The following SLC23A2 variants were observed in gnomAD, a reference collection of about 807,000 sequenced individuals.
The protein encoded by SLC23A2 is Na(+)/L-ascorbic acid transporter 2.
In SLC23A2, 36 loss-of-function variants were observed where a neutral mutation model predicts 73.3. That is an observed-to-expected ratio of 0.49 (90% CI 0.38 to 0.65). The LOEUF (loss-of-function observed/expected upper bound fraction) is 0.65, where lower values mean the gene tolerates loss of function less well. Among genes scored for constraint, SLC23A2 ranks in the 30% least tolerant of loss-of-function variants. SLC23A2 has a pLI of 0.00. For missense variants in SLC23A2, 507 were observed against 841.6 expected (o/e 0.60, Z 4.92); for synonymous variants, 343 against 327.3 (o/e 1.05, Z -0.52).
intron 2 of SLC23A2, among the ~76,000 whole-genome samples, chr20:4,963,643 T>G (rs2087427888): frequency 6.6e-6 from 1 of 151,372 alleles, no homozygotes; most frequent in African/African-American, 2.4e-5. Context: ...AGGCCAGGAG[T>G]TCAAGACCAG....
intron 3 of SLC23A2, among the ~76,000 whole-genome samples, chr20:4,921,762 T>C (rs145667931): frequency 6.6e-6 from 1 of 152,300 alleles, no homozygotes; most frequent in East Asian, 1.9e-4. Context: ...TTATTTCTCT[T>C]GTAAATGAAG....
intron 15 of SLC23A2, 98 bp downstream of exon 15, chr20:4,861,850 T>A: frequency 7.9e-7 from 1 of 1,260,570 alleles, no homozygotes; most frequent in Non-Finnish European, 1.1e-6. Context: ...CCACAGCTCC[T>A]GGAGGCCCAA....
In SLC23A2 at chr20:4,883,404, A is replaced by G. The variant is rs1358317453; in HGVS notation, c.824+238T>C. 6.6e-6 allele frequency among the ~76,000 whole-genome samples: 1 copy of G among 152,148 alleles called. No individual in the cohort carries two copies. Among genetic ancestry groups the G allele is most frequent in the African/African-American group, 2.4e-5 (1 of 41,414 alleles). On this transcript the variant is annotated intron_variant, in intron 9 of 16. Transcript: ENST00000338244. This position sits in a 1 kb window ranked among gnomAD's most constrained non-coding sequence, Gnocchi z 4.5. ...ACCTTACCCCACTACCAAAGCTTAA[A>G]AACTTACAATCCACCCTCTTCATAT...
chr20:4,875,531 G>A (rs1197430603), intron 9 of SLC23A2, among the ~76,000 whole-genome samples: 1 of 152,182 alleles, frequency 6.6e-6, no homozygotes, highest in Non-Finnish European at 1.5e-5. Flanking sequence ...CACAGGGCAA[G>A]GAGGCTGGGC....
chr20:4,885,540 A>G (rs1931063845), intron 7 of SLC23A2, among the ~76,000 whole-genome samples: 1 of 152,202 alleles, frequency 6.6e-6, no homozygotes, highest in Non-Finnish European at 1.5e-5. Flanking sequence ...AATAGCACAA[A>G]TATTTTTCTA....
At chr20:4,904,019 G>C (rs959419510) in intron 4 of SLC23A2, among the ~76,000 whole-genome samples, 2 of 152,274 alleles carry the variant, frequency 1.3e-5, no homozygotes, top group Admixed American at 1.3e-4. Flanking sequence ...TTTAGGCCCA[G>C]TGCAGTGGCT....
At chr20:4,978,044 A>G (rs1276394436) in intron 1 of SLC23A2, among the ~76,000 whole-genome samples, 2 of 152,076 alleles carry the variant, frequency 1.3e-5, no homozygotes, top group African/African-American at 4.8e-5. Flanking sequence ...AAACAAACAA[A>G]AAAATTAAAG....
chr20:4,964,984 T>C (rs1568645860), intron 2 of SLC23A2, among the ~76,000 whole-genome samples: 1 of 152,144 alleles, frequency 6.6e-6, no homozygotes, highest in Non-Finnish European at 1.5e-5. Context: ...GTGGTTTTTT[T>C]TCCCCTTATT....
At chr20:4,913,566 A>G (rs1170340676) in intron 3 of SLC23A2, among the ~76,000 whole-genome samples, 1 of 152,182 alleles carries the variant, frequency 6.6e-6, no homozygotes, top group Non-Finnish European at 1.5e-5. Flanking sequence ...GAAAGTAATC[A>G]CTGTTTATAA....
At position 4,872,836 on chromosome 20, in the gene SLC23A2, C is replaced by A. The variant is rs1047266705; in HGVS notation, c.1102+1100G>T. On this transcript the variant is annotated intron_variant, in intron 11 of 16. Transcript: ENST00000338244. This position sits in a 1 kb window ranked among gnomAD's most constrained non-coding sequence, Gnocchi z 4.4. ...GTGGCGCAATCTCGACTCACTGCAA[C>A]CTCCGCCTCCCAGATCCAAGCGATT... 6.6e-6 allele frequency among the ~76,000 whole-genome samples: 1 copy of A among 152,062 alleles called. No individual in the cohort carries two copies. Among genetic ancestry groups the A allele is most frequent in the Non-Finnish European group, 1.5e-5 (1 of 68,014 alleles).
At chr20:4,985,474 G>T (rs538776278) in intron 1 of SLC23A2, among the ~76,000 whole-genome samples, 3 of 150,924 alleles carry the variant, frequency 2.0e-5, no homozygotes, top group African/African-American at 7.3e-5. Context: ...TTGAGACAGG[G>T]TCTCGCTCTA....
chr20:4,898,682 T>A (rs1351210275), intron 6 of SLC23A2, among the ~76,000 whole-genome samples: 1 of 152,080 alleles, frequency 6.6e-6, no homozygotes, highest in African/African-American at 2.4e-5. Context: ...GGAAGGTAGA[T>A]AAGGATGTTT....
At position 4,965,689 on chromosome 20, in the gene SLC23A2, G is replaced by A. The variant is rs538300640; in HGVS notation, c.-155+5104C>T. Among the ~76,000 whole-genome samples the A allele has an allele frequency of 8.5e-5, 13 of 152,178 alleles. No homozygotes were observed. The South Asian group carries it at 2.3e-3, about 27-fold the overall frequency. ...TGAAGAGGAAGCATCACCCTCAGCC[G>A]GGCGCGGTGGCTCAAGCCTGTAATC... On this transcript the variant is annotated intron_variant, in intron 2 of 16. Coordinates refer to ENST00000338244, the MANE Select transcript of SLC23A2 (RefSeq NM_005116.6).
chr20:4,997,012 T>G (rs1401901827), intron 1 of SLC23A2, among the ~76,000 whole-genome samples: 3 of 152,276 alleles, frequency 2.0e-5, no homozygotes, highest in Non-Finnish European at 4.4e-5. Context: ...AGCATCTCAG[T>G]TAATGGCCTC....
intron 2 of SLC23A2, among the ~76,000 whole-genome samples, chr20:4,945,042 C>A (rs989134369): frequency 1.3e-5 from 2 of 151,354 alleles, no homozygotes; most frequent in Admixed American, 6.6e-5. Flanking sequence ...ATATGATCAA[C>A]TTCCTTTGAA....
chr20:5,001,968 C>G (rs1600222917), upstream of SLC23A2, among the ~76,000 whole-genome samples: 1 of 152,024 alleles, frequency 6.6e-6, no homozygotes, highest in Admixed American at 6.6e-5. Flanking sequence ...GTTTTTTTAA[C>G]CTAACTGGAG....
chr20:4,902,293 T>C lies in SLC23A2; in HGVS notation c.324+149A>G, dbSNP rs558517042. On this transcript the variant is annotated intron_variant, in intron 5 of 16. Transcript: ENST00000338244. This position sits in a 1 kb window ranked among gnomAD's most constrained non-coding sequence, Gnocchi z 4.0. ...TGCTAGGATTACAGGCATCAGCCAC[T>C]GTGCTCAGCCCCTACTCATCACTCT... The C allele has an allele frequency of 1.2e-5, 6 of 514,146 alleles. No homozygotes were observed. The highest frequency in any genetic ancestry group is 7.9e-5 in the African/African-American group (4 of 50,512). 31.8% of individuals were successfully genotyped at this position (514,146 alleles called of 1,614,324 possible).
chr20:4,971,041 C>T (rs1485393273), intron 1 of SLC23A2, 122 bp from the exon 2 acceptor site: 3 of 152,172 alleles, frequency 2.0e-5, no homozygotes, highest in Non-Finnish European at 4.4e-5. Context: ...ATTACTACTT[C>T]ATTTTTATGG....
In SLC23A2 at chr20:4,856,806, T is replaced by A. The variant is rs1929729871; in HGVS notation, c.*166A>T. The A allele has an allele frequency of 1.7e-6, 1 of 602,114 alleles. No homozygotes were observed. The highest frequency in any genetic ancestry group is 1.9e-5 in the African/African-American group (1 of 53,976). The allele number at this position is 602,114 out of a possible 1,614,324, so 37.3% of individuals were successfully genotyped here. ...ATAAGGAGATAGGCGAGACACCGCATCAGGCACCATCACCCTCACAGCAGA... is the reference window on the plus strand; with the variant it reads ...ATAAGGAGATAGGCGAGACACCGCAACAGGCACCATCACCCTCACAGCAGA... On this transcript the variant is annotated 3_prime_UTR_variant, in exon 17 of 17. Transcript: ENST00000338244. This position sits in a 1 kb window ranked among gnomAD's most constrained non-coding sequence, Gnocchi z 4.6.
Sources: allele counts gnomAD v4.1 joint callset (sites outside exome capture counted in the v4.1 genomes callset), GRCh38; gene constraint gnomAD v4.1.1; non-coding constraint Gnocchi (gnomAD v3.1); transcripts MANE v1.5; gene names NCBI Gene and HGNC (gene_info 2026-07-23, HGNC 2026-07-21).